The following MACROD2 variants were observed in gnomAD, a reference collection of about 807,000 sequenced individuals.
The protein encoded by MACROD2 is ADP-ribose glycohydrolase MACROD2.
A neutral mutation model predicts 70.4 loss-of-function variants in MACROD2; 36 were observed. The ratio of observed to expected loss-of-function variants is 0.51; its 90% CI spans 0.39 to 0.68. The LOEUF is 0.68. Among genes scored for constraint, MACROD2 ranks in the 30% least tolerant of loss-of-function variants. The pLI is 0.00. For synonymous variants in MACROD2, 172 were observed against 178.8 expected, an observed-to-expected ratio of 0.96 and a Z score of 0.30; for missense variants, 496 against 538.4, an observed-to-expected ratio of 0.92 and a Z score of 0.78.
At chr20:14,511,589 T>A (rs1428457226) in intron 4 of MACROD2, among the ~76,000 whole-genome samples, 1 of 152,092 alleles carries the variant, frequency 6.6e-6, no homozygotes, top group Non-Finnish European at 1.5e-5. Context: ...GAATAAATTC[T>A]GAAAGATATT....
intron 5 of MACROD2, among the ~76,000 whole-genome samples, chr20:14,938,712 C>T (rs766180728): frequency 1.2e-4 from 18 of 151,998 alleles, no homozygotes; most frequent in African/African-American, 2.7e-4. Flanking sequence ...GCCCAAGAGG[C>T]GGAGTTTGCA....
chr20:15,408,052 G>A (rs2060037506), intron 6 of MACROD2, among the ~76,000 whole-genome samples: 1 of 152,096 alleles, frequency 6.6e-6, no homozygotes, highest in South Asian at 2.1e-4. Context: ...AACTCGGTGT[G>A]GTCATTTCAA....
chr20:15,227,884 G>T (rs892536188), intron 5 of MACROD2, among the ~76,000 whole-genome samples: 1 of 114,004 alleles, frequency 8.8e-6, no homozygotes, highest in Non-Finnish European at 1.7e-5. Flanking sequence ...ATATCATACC[G>T]AACCCATTTG....
chr20:15,567,833 G>C (rs899664061), intron 8 of MACROD2, among the ~76,000 whole-genome samples: 7 of 152,188 alleles, frequency 4.6e-5, no homozygotes, highest in African/African-American at 1.4e-4. Context: ...AATGGTACCA[G>C]GTCAGAATGT....
rs760296823 is a variant in MACROD2 at position 15,344,829 on chromosome 20, T to C, written c.541-86576T>C. On this transcript the variant is annotated intron_variant, in intron 6 of 17. Coordinates refer to ENST00000684519, the MANE Select transcript of MACROD2 (RefSeq NM_001351661.2). ...GTGAGTTATTCAATCTGACCTGTAATAGAGCCTAGAAAATTATTCCTATTC... is the reference window on the plus strand; with the variant it reads ...GTGAGTTATTCAATCTGACCTGTAACAGAGCCTAGAAAATTATTCCTATTC... Among the ~76,000 whole-genome samples, 6 of 152,238 alleles carry C rather than the reference T, an allele frequency of 3.9e-5. No homozygotes were observed. In the South Asian group the frequency reaches 1.2e-3, roughly 32 times the overall value.
intron 3 of MACROD2, among the ~76,000 whole-genome samples, chr20:14,481,859 A>G (rs1600286134): frequency 6.6e-6 from 1 of 152,236 alleles, no homozygotes. Flanking sequence ...TTAAGATATC[A>G]TAAAGATCAA....
At chr20:14,227,562 A>G (rs1028529152) in intron 3 of MACROD2, among the ~76,000 whole-genome samples, 1 of 152,164 alleles carries the variant, frequency 6.6e-6, no homozygotes, top group Non-Finnish European at 1.5e-5. Flanking sequence ...ACCCACCAGA[A>G]GGAAGAAACT....
intron 5 of MACROD2, among the ~76,000 whole-genome samples, chr20:14,770,844 AG>A (rs2072155658): frequency 6.6e-6 from 1 of 152,026 alleles, no homozygotes; most frequent in South Asian, 2.1e-4. Context: ...TGAATCAAGC[AG>A]GCTGGCTCCA....
chr20:15,277,479 A>G (rs947356227), intron 6 of MACROD2, among the ~76,000 whole-genome samples: 2 of 152,220 alleles, frequency 1.3e-5, no homozygotes, highest in African/African-American at 4.8e-5. Context: ...TATTTCTTAA[A>G]TAGGTTGCTA....
intron 5 of MACROD2, among the ~76,000 whole-genome samples, chr20:15,060,486 C>A (rs1010704952): frequency 6.6e-6 from 1 of 152,198 alleles, no homozygotes; most frequent in African/African-American, 2.4e-5. Flanking sequence ...ATTTCCCTCT[C>A]TATGAACCTT....
chr20:15,702,499 T>A (rs1243859403), intron 8 of MACROD2, among the ~76,000 whole-genome samples: 2 of 152,186 alleles, frequency 1.3e-5, no homozygotes, highest in African/African-American at 4.8e-5. Flanking sequence ...CCTTTGCCCA[T>A]TTTTAAGGGA....
At chr20:14,548,980 C>T (rs1978467129) in intron 4 of MACROD2, among the ~76,000 whole-genome samples, 1 of 152,128 alleles carries the variant, frequency 6.6e-6, no homozygotes, top group Non-Finnish European at 1.5e-5. Flanking sequence ...ATGAATTTCC[C>T]AGAAGTTATG....
intron 8 of MACROD2, among the ~76,000 whole-genome samples, chr20:15,782,571 G>A (rs1433949102): frequency 6.6e-6 from 1 of 151,822 alleles, no homozygotes; most frequent in Non-Finnish European, 1.5e-5. Context: ...GAGAGACAGT[G>A]GAAGCTGCTA....
chr20:16,014,287 C>T (rs1292081564), intron 15 of MACROD2, among the ~76,000 whole-genome samples: 1 of 152,216 alleles, frequency 6.6e-6, no homozygotes, highest in Non-Finnish European at 1.5e-5. Flanking sequence ...CTTCAAGCCT[C>T]AGCTTCTCAC....
intron 3 of MACROD2, among the ~76,000 whole-genome samples, chr20:14,367,885 G>T (rs1383900188): frequency 2.0e-5 from 3 of 151,914 alleles, no homozygotes; most frequent in Non-Finnish European, 2.9e-5. Context: ...CTCCATCTGG[G>T]GTTCTTATGA....
chr20:14,860,919 A>T (rs1442451281), intron 5 of MACROD2, among the ~76,000 whole-genome samples: 1 of 151,972 alleles, frequency 6.6e-6, no homozygotes, highest in Admixed American at 6.6e-5. Context: ...ACTGAATTAG[A>T]TGGTCTCCAT....
intron 7 of MACROD2, among the ~76,000 whole-genome samples, chr20:15,434,158 C>T (rs992443986): frequency 2.0e-5 from 3 of 151,876 alleles, no homozygotes; most frequent in African/African-American, 7.3e-5. Context: ...AAAGCAGATG[C>T]AACAAAAACA....
Position 15,885,750 on chromosome 20 carries a change from C to A in MACROD2, c.728-14C>A. ...CATATAAGTATTTCTTTATGTTTTCCTATTTTTTAACAGACGATAATAATG... is the reference window on the plus strand; with the variant it reads ...CATATAAGTATTTCTTTATGTTTTCATATTTTTTAACAGACGATAATAATG... On this transcript the variant is annotated splice_polypyrimidine_tract_variant and intron_variant, in intron 9 of 17. Coordinates refer to ENST00000684519, the MANE Select transcript of MACROD2 (RefSeq NM_001351661.2). 2 of 1,465,736 alleles carry A rather than the reference C, an allele frequency of 1.4e-6. No individual in the cohort carries two copies. The highest frequency in any genetic ancestry group is 1.5e-5 in the African/African-American group (1 of 68,220). The allele number at this position is 1,465,736 out of a possible 1,614,324, so 90.8% of individuals were successfully genotyped here.
intron 3 of MACROD2, among the ~76,000 whole-genome samples, chr20:14,190,696 A>AT (rs2081378808): frequency 5.8e-4 from 23 of 39,858 alleles, no homozygotes; most frequent in African/African-American, 2.1e-3. Context: ...ATATATATAT[A>AT]TATTTTTTTT....
Sources: gnomAD v4.1 joint callset for allele counts (sites outside exome capture counted in the v4.1 genomes callset) on GRCh38, gnomAD v4.1.1 for gene constraint, MANE v1.5 for transcripts, NCBI Gene and HGNC (gene_info 2026-07-23, HGNC 2026-07-21) for gene names.